The following ST6GALNAC5 variants were observed in gnomAD, a reference collection of about 807,000 sequenced individuals.
ST6GALNAC5 encodes the protein alpha-N-acetylgalactosaminide alpha-2,6-sialyltransferase 5.
Under a neutral mutation model 33.6 loss-of-function variants are expected in ST6GALNAC5, and 27 were observed. That is an observed-to-expected ratio of 0.80 (90% CI 0.59 to 1.11). ST6GALNAC5 has a LOEUF of 1.11. Ranked by LOEUF, ST6GALNAC5 falls within the 50% of genes least tolerant of loss-of-function variation. The pLI is 0.00. For synonymous variants in ST6GALNAC5, 194 were observed against 171.2 expected, an observed-to-expected ratio of 1.13 and a Z score of -1.04; for missense variants, 428 against 454.0, an observed-to-expected ratio of 0.94 and a Z score of 0.52.
intron 2 of ST6GALNAC5, 72 bp from the exon 3 acceptor site, chr1:77,044,132 A>G: frequency 6.7e-7 from 1 of 1,486,570 alleles, no homozygotes; most frequent in Non-Finnish European, 9.0e-7. Flanking sequence ...AAGGCAGGGA[A>G]GTAGCCTGCT....
chr1:77,049,567 A>G (rs1260272727), intron 3 of ST6GALNAC5, among the ~76,000 whole-genome samples: 2 of 151,966 alleles, frequency 1.3e-5, no homozygotes, highest in Non-Finnish European at 2.9e-5. Context: ...GGTGGGGTGC[A>G]CCAGTTCATT....
At chr1:76,997,097 C>T (rs1260273677) in intron 2 of ST6GALNAC5, among the ~76,000 whole-genome samples, 1 of 152,212 alleles carries the variant, frequency 6.6e-6, no homozygotes, top group Non-Finnish European at 1.5e-5. Context: ...GGTGAGGTCT[C>T]ACCAAGTGCA....
chr1:76,880,242 C>T lies in ST6GALNAC5; in HGVS notation c.261+11500C>T, dbSNP rs150891260. 4.6e-3 allele frequency among the ~76,000 whole-genome samples: 701 copies of T among 152,262 alleles called. 4 individuals are homozygous for T. The highest frequency in any genetic ancestry group is 7.2e-3 in the Non-Finnish European group (490 of 68,010). On this transcript the variant is annotated intron_variant, in intron 2 of 4. Coordinates refer to ENST00000477717, the MANE Select transcript of ST6GALNAC5 (RefSeq NM_030965.3). ...TGTCAAATGCATTTATTTTGCATAA[C>T]TCTCTAAACAGTTTATGCCAAGGAC...
chr1:77,025,225 C>A (rs1449624114), intron 2 of ST6GALNAC5, among the ~76,000 whole-genome samples: 1 of 152,126 alleles, frequency 6.6e-6, no homozygotes, highest in African/African-American at 2.4e-5. Context: ...TGTCTATGAA[C>A]CTGAAATAGT....
chr1:76,969,995 A>C (rs1231193671), intron 2 of ST6GALNAC5, among the ~76,000 whole-genome samples: 1 of 152,162 alleles, frequency 6.6e-6, no homozygotes, highest in African/African-American at 2.4e-5. Context: ...GAATAGCATC[A>C]ACATCAACAA....
At chr1:77,035,577 C>A (rs1442717440) in intron 2 of ST6GALNAC5, among the ~76,000 whole-genome samples, 1 of 152,132 alleles carries the variant, frequency 6.6e-6, no homozygotes, top group Non-Finnish European at 1.5e-5. Flanking sequence ...CCAATAGAAT[C>A]ACTTAGCTTT....
rs142411458 is a variant in ST6GALNAC5 at position 76,959,725 on chromosome 1, A to G, written c.262-84479A>G. Among the ~76,000 whole-genome samples the G allele has an allele frequency of 8.5e-5, 13 of 152,342 alleles. No homozygotes were observed. The East Asian group carries it at 2.5e-3, about 29-fold the overall frequency. ...GGCTGCTTGTCAGATGCTTCAGAAC[A>G]GCTTTATGTCTTGTCACATTCTTAG... On this transcript the variant is annotated intron_variant, in intron 2 of 4. Transcript: ENST00000477717.
chr1:76,959,314 C>T (rs1032513179), intron 2 of ST6GALNAC5, among the ~76,000 whole-genome samples: 1 of 152,214 alleles, frequency 6.6e-6, no homozygotes, highest in African/African-American at 2.4e-5. Flanking sequence ...ATATATTTCA[C>T]ATTTTAAAAT....
chr1:76,972,917 T>A (rs1648821644), intron 2 of ST6GALNAC5, among the ~76,000 whole-genome samples: 2 of 152,158 alleles, frequency 1.3e-5, no homozygotes, highest in African/African-American at 4.8e-5. Flanking sequence ...GTGACAGTGA[T>A]CATATTTTCA....
intron 2 of ST6GALNAC5, among the ~76,000 whole-genome samples, chr1:76,975,683 G>C (rs956895061): frequency 6.6e-6 from 1 of 152,166 alleles, no homozygotes; most frequent in Non-Finnish European, 1.5e-5. Flanking sequence ...AATATGTACT[G>C]TGTGATATGA....
intron 2 of ST6GALNAC5, among the ~76,000 whole-genome samples, chr1:76,967,218 G>T (rs772014581): frequency 3.3e-5 from 5 of 152,180 alleles, no homozygotes; most frequent in African/African-American, 4.8e-5. Context: ...CTGTGAATCC[G>T]TGTGGTCCTG....
intron 2 of ST6GALNAC5, among the ~76,000 whole-genome samples, chr1:76,870,629 A>G (rs1024669813): frequency 2.6e-5 from 4 of 152,204 alleles, no homozygotes; most frequent in Non-Finnish European, 5.9e-5. Context: ...GTCCTTTTCA[A>G]TTTGGAGGGC....
intron 4 of ST6GALNAC5, among the ~76,000 whole-genome samples, chr1:77,055,487 T>C (rs1336610216): frequency 6.6e-6 from 1 of 152,226 alleles, no homozygotes; most frequent in Non-Finnish European, 1.5e-5. Context: ...AATAATCTTA[T>C]GAGGTAAGCA....
intron 2 of ST6GALNAC5, among the ~76,000 whole-genome samples, chr1:76,899,860 C>T (rs897681615): frequency 6.6e-6 from 1 of 152,148 alleles, no homozygotes; most frequent in Non-Finnish European, 1.5e-5. Flanking sequence ...GTTCCTTGGG[C>T]TGGTTGGTCG....
intron 2 of ST6GALNAC5, among the ~76,000 whole-genome samples, chr1:77,013,777 G>A (rs542330490): frequency 3.9e-5 from 6 of 152,194 alleles, no homozygotes; most frequent in South Asian, 2.1e-4. Flanking sequence ...CCTGGAAGTC[G>A]GATGGCCTTT....
chr1:76,894,979 G>C (rs1312234936), intron 2 of ST6GALNAC5, among the ~76,000 whole-genome samples: 1 of 152,124 alleles, frequency 6.6e-6, no homozygotes, highest in Non-Finnish European at 1.5e-5. Flanking sequence ...TATAGTCAAA[G>C]GGGGGTTATT....
At chr1:76,874,658 G>A (rs187967336) in intron 2 of ST6GALNAC5, among the ~76,000 whole-genome samples, 18 of 152,156 alleles carry the variant, frequency 1.2e-4, no homozygotes, top group Admixed American at 3.3e-4. Flanking sequence ...TTTTATATTC[G>A]CTGGAAGCTG....
chr1:76,899,119 A>T (rs990620721), intron 2 of ST6GALNAC5, among the ~76,000 whole-genome samples: 2 of 152,138 alleles, frequency 1.3e-5, no homozygotes, highest in Non-Finnish European at 2.9e-5. Context: ...GCTATTTGGA[A>T]CTACTGTCGA....
At chr1:77,018,519 G>A (rs1288180911) in intron 2 of ST6GALNAC5, among the ~76,000 whole-genome samples, 1 of 152,174 alleles carries the variant, frequency 6.6e-6, no homozygotes, top group African/African-American at 2.4e-5. Context: ...CACACAGCCA[G>A]GAGGAGGCAG....
Sources: allele counts gnomAD v4.1 joint callset (sites outside exome capture counted in the v4.1 genomes callset), GRCh38; gene constraint gnomAD v4.1.1; transcripts MANE v1.5; gene names NCBI Gene and HGNC (gene_info 2026-07-23, HGNC 2026-07-21).